Variants in SLC5A5 observed in about 807,000 individuals in gnomAD.
The protein encoded by SLC5A5 is solute carrier family 5 member 5.
Under a neutral mutation model 68.6 loss-of-function variants are expected in SLC5A5, and 56 were observed. The ratio of observed to expected loss-of-function variants is 0.82; its 90% CI spans 0.66 to 1.02. SLC5A5 has a LOEUF of 1.02. Ranked by LOEUF, SLC5A5 falls within the 50% of genes least tolerant of loss-of-function variation. The probability of loss-of-function intolerance (pLI) is 0.00; values close to 1 mark genes in which losing one functional copy is unlikely to be tolerated. For missense variants in SLC5A5, 807 were observed against 859.8 expected (o/e 0.94, Z 0.77); for synonymous variants, 398 against 373.0 (o/e 1.07, Z -0.77).
intron 12 of SLC5A5, 22 bp downstream of exon 12, chr19:17,884,068 G>T (rs1257269314): frequency 6.5e-7 from 1 of 1,537,874 alleles, no homozygotes; most frequent in Admixed American, 1.9e-5. Context: ...TGAGGGTAGG[G>T]GGGTACCCGA....
intron 7 of SLC5A5, among the ~76,000 whole-genome samples, chr19:17,878,459 C>T (rs886813186): frequency 2.6e-5 from 4 of 151,478 alleles, no homozygotes; most frequent in Non-Finnish European, 5.9e-5. Context: ...GAAGGGAGAT[C>T]GCACCACTAC....
rs1235485172 is a variant in SLC5A5 at position 17,894,105 on chromosome 19, A to G, written c.*228A>G. 2.6e-4 allele frequency: 123 copies of G among 482,182 alleles called. 2 individuals are homozygous for G. In the East Asian group the frequency reaches 4.6e-3, roughly 18 times the overall value. 29.9% of individuals were successfully genotyped at this position (482,182 alleles called of 1,614,324 possible). ...CCCAGTATTAGACGCTGCAGCCCTG[A>G]CGGCTCCCCCCAAATAAGGCTGGGT... On this transcript the variant is annotated 3_prime_UTR_variant, in exon 15 of 15. Coordinates refer to ENST00000222248, the MANE Select transcript of SLC5A5 (RefSeq NM_000453.3).
chr19:17,874,402 C>T (rs1005557439), intron 2 of SLC5A5, 92 bp from the exon 3 acceptor site: 7 of 1,312,140 alleles, frequency 5.3e-6, no homozygotes, highest in Non-Finnish European at 7.7e-6. Flanking sequence ...TCTGCCCCGC[C>T]CATATTCTGG....
At chr19:17,887,605 T>A (rs1444207748) in intron 12 of SLC5A5, among the ~76,000 whole-genome samples, 1 of 148,062 alleles carries the variant, frequency 6.8e-6, no homozygotes, top group Non-Finnish European at 1.5e-5. Flanking sequence ...TAATTTTTTT[T>A]TTTTTTTTTT....
rs780555749 is a variant in SLC5A5 at position 17,893,841 on chromosome 19, T to C, written c.1896T>C (p.His632=). 1.3e-6 allele frequency: 2 copies of C among 1,588,934 alleles called. No individual in the cohort carries two copies. Among genetic ancestry groups the C allele is most frequent in the East Asian group, 4.6e-5 (2 of 43,682 alleles). ...GAGSWTPCVG[H]DGGRDQQETN... ...GCTCTTGGACCCCCTGTGTTGGACA[T>C]GATGGTGGTCGAGACCAGCAGGAGA... The change falls in exon 15 of 15, where the codon CAT becomes CAC. Residue 632 remains histidine (H), a synonymous_variant. Transcript: ENST00000222248.
chr19:17,874,701 C>T lies in SLC5A5; in HGVS notation c.513C>T (p.Thr171=), dbSNP rs1419651478. The T allele has an allele frequency of 2.5e-6, 4 of 1,614,020 alleles. No homozygotes were observed. The highest frequency in any genetic ancestry group is 4.5e-5 in the East Asian group (2 of 44,876). The change falls in exon 4 of 15, where the codon ACC becomes ACT. Residue 171 remains threonine, a synonymous_variant. Transcript: ENST00000222248. The part of the protein sequence containing the change: ...GLDIWASLLS[T]GIICTFYTAV... ...ACATCTGGGCGTCGCTCCTGTCCAC[C>T]GGAATTATCTGCACCTTCTACACGG...
At chr19:17,880,805 A>T (rs2094318933) in intron 7 of SLC5A5, 60 bp from the exon 8 acceptor site, 1 of 1,270,984 alleles carries the variant, frequency 7.9e-7, no homozygotes, top group South Asian at 1.2e-5. Context: ...ATCAGGACAG[A>T]TAGATGCCCC....
In SLC5A5 at chr19:17,877,771, G is replaced by A. The variant is rs752151873; in HGVS notation, c.747G>A (p.Val249=). 1.5e-5 allele frequency: 24 copies of A among 1,614,240 alleles called. No individual in the cohort carries two copies. The highest frequency in any genetic ancestry group is 1.9e-5 in the Non-Finnish European group (23 of 1,180,038). The part of the protein sequence containing the change: ...RSRYTFWTFV[V]GGTLVWLSMY... ...GCTATACATTCTGGACTTTTGTGGT[G>A]GGTGGCACGTTGGTGTGGCTCTCCA... Residue 249 remains valine (V), a synonymous_variant, in exon 6 of 15, where the codon GTG becomes GTA. Transcript: ENST00000222248.
intron 13 of SLC5A5, among the ~76,000 whole-genome samples, chr19:17,889,441 G>C (rs568260260): frequency 1.4e-5 from 2 of 146,312 alleles, no homozygotes; most frequent in East Asian, 4.0e-4. Context: ...AAGGAAGGAA[G>C]GAAAGAGAAA....
chr19:17,877,667 G>A (rs1241815391), intron 5 of SLC5A5, 56 bp from the exon 6 acceptor site: 2 of 1,609,500 alleles, frequency 1.2e-6, no homozygotes, highest in African/African-American at 2.7e-5. Flanking sequence ...GGGCCCTTGG[G>A]AGGGTGAAGT....
At position 17,895,158 on chromosome 19, in the gene SLC5A5, T is replaced by C. The variant is rs552486722; in HGVS notation, c.*1281T>C. On this transcript the variant is annotated 3_prime_UTR_variant, in exon 15 of 15. Coordinates refer to ENST00000222248, the MANE Select transcript of SLC5A5 (RefSeq NM_000453.3). ...TGCTAGAACTGTCAGAGAATAAATT[T>C]CTGTTGTTTGATGCCACCAGGCCTA... is the stretch of plus-strand genomic sequence containing the variant. 2 of 150,238 alleles carry C rather than the reference T, an allele frequency of 1.3e-5. No homozygotes were observed. Among genetic ancestry groups the C allele is most frequent in the East Asian group, 4.0e-4 (2 of 5,038 alleles). The allele number at this position is 150,238 out of a possible 1,614,324, so 9.3% of individuals were successfully genotyped here.
At chr19:17,875,818 T>C (rs1451880431) in intron 4 of SLC5A5, 134 bp from the exon 5 acceptor site, 2 of 787,084 alleles carry the variant, frequency 2.5e-6, no homozygotes, top group East Asian at 5.3e-5. Flanking sequence ...AACAACACAG[T>C]AAGAAGGTAT....
intron 3 of SLC5A5, 54 bp from the exon 4 acceptor site, chr19:17,874,610 G>A: frequency 6.2e-7 from 1 of 1,612,810 alleles, no homozygotes; most frequent in Non-Finnish European, 8.5e-7. Context: ...GAGAACCCAA[G>A]ACTAAGTTTG....
chr19:17,878,631 G>C (rs990096305), intron 7 of SLC5A5, among the ~76,000 whole-genome samples: 1 of 152,122 alleles, frequency 6.6e-6, no homozygotes, highest in Non-Finnish European at 1.5e-5. Context: ...TTCAGATCTA[G>C]AGTTCCAGAG....
Position 17,872,409 on chromosome 19 carries a change from C to G in SLC5A5, c.90C>G (p.Ile30Met). ...FALMLLVSTG[I>M]GLWVGLARGG... Reference sequence around the variant, plus strand: ...TCATGCTCCTGGTGTCCACTGGCATCGGGCTGTGGGTCGGGCTGGCTCGGG... The same window carrying G: ...TCATGCTCCTGGTGTCCACTGGCATGGGGCTGTGGGTCGGGCTGGCTCGGG... The change falls in exon 1 of 15, where the codon ATC becomes ATG. Residue 30 changes from isoleucine to methionine, a missense_variant. Physicochemically the swap from Ile to Met is conservative, Grantham distance 10. Coordinates refer to ENST00000222248, the MANE Select transcript of SLC5A5 (RefSeq NM_000453.3). 6.2e-7 allele frequency: 1 copy of G among 1,606,976 alleles called. No individual in the cohort carries two copies. The highest frequency in any genetic ancestry group is 2.2e-5 in the East Asian group (1 of 44,728).
At position 17,882,009 on chromosome 19, in the gene SLC5A5, C is replaced by T. The variant is rs1434176464; in HGVS notation, c.1108C>T (p.Leu370Phe). 19 of 1,614,188 alleles carry T rather than the reference C, an allele frequency of 1.2e-5. No individual in the cohort carries two copies. The highest frequency in any genetic ancestry group is 1.6e-5 in the Non-Finnish European group (19 of 1,180,018). The part of the protein sequence containing the change: ...NAMAAVTVED[L>F]IKPRLRSLAP... ...TATGGCTGCAGTCACTGTAGAAGAC[C>T]TCATCAAACCTCGGCTGCGGAGCCT... The change falls in exon 9 of 15, where the codon CTC becomes TTC. Residue 370 changes from leucine to phenylalanine, a missense_variant. Leu to Phe is a conservative substitution (Grantham distance 22). Coordinates refer to ENST00000222248, the MANE Select transcript of SLC5A5 (RefSeq NM_000453.3).
intron 4 of SLC5A5, among the ~76,000 whole-genome samples, chr19:17,875,636 G>A (rs920384666): frequency 6.7e-6 from 1 of 148,778 alleles, no homozygotes; most frequent in Middle Eastern, 3.2e-3. Flanking sequence ...TAAATTAGTC[G>A]GGCATGGTGG....
Position 17,892,252 on chromosome 19 carries a change from C to T in SLC5A5, c.1767+1251C>T, listed in dbSNP as rs776493982. Among the ~76,000 whole-genome samples the T allele has an allele frequency of 9.3e-5, 14 of 149,974 alleles. No individual in the cohort carries two copies. In the South Asian group the frequency reaches 1.9e-3, roughly 21 times the overall value. ...GGTAGAGGTTGTAGTGAGCTGAGAT[C>T]GCGCCACTGCATTCCAGCCTGGGTG... On this transcript the variant is annotated intron_variant, in intron 14 of 14. Coordinates refer to ENST00000222248, the MANE Select transcript of SLC5A5 (RefSeq NM_000453.3).
chr19:17,893,993 GAGTTC>G lies in SLC5A5; in HGVS notation c.*119_*123del. On this transcript the variant is annotated 3_prime_UTR_variant, in exon 15 of 15. Coordinates refer to ENST00000222248, the MANE Select transcript of SLC5A5 (RefSeq NM_000453.3). ...TGGCTGGATTGCCTTGTATGCAAATGAGTTCAGGACTACAATACCCTACCCTATGG... is the reference window on the plus strand; with the variant it reads ...TGGCTGGATTGCCTTGTATGCAAATGAGGACTACAATACCCTACCCTATGG... 9.6e-7 allele frequency: 1 copy of G among 1,039,426 alleles called. No homozygotes were observed. The highest frequency in any genetic ancestry group is 1.5e-6 in the Non-Finnish European group (1 of 687,176). 64.4% of individuals were successfully genotyped at this position (1,039,426 alleles called of 1,614,324 possible). A position where few individuals can be genotyped will look rare whatever the true frequency, so the allele number is the denominator to read the frequency against.
Sources: allele counts gnomAD v4.1 joint callset (sites outside exome capture counted in the v4.1 genomes callset), GRCh38; gene constraint gnomAD v4.1.1; transcripts MANE v1.5; gene names NCBI Gene and HGNC (gene_info 2026-07-23, HGNC 2026-07-21).